Variants in F2 observed in about 807,000 individuals in gnomAD.
F2 encodes the protein prothrombin.
In F2, 34 loss-of-function variants were observed where a neutral mutation model predicts 81.9. The ratio of observed to expected loss-of-function variants is 0.42; its 90% CI spans 0.32 to 0.55. The LOEUF (loss-of-function observed/expected upper bound fraction) is 0.55. F2 is among the 20% of genes least tolerant of loss of function. The pLI, the probability that F2 is intolerant of heterozygous loss-of-function variation, is 0.18. For synonymous variants in F2, 296 were observed against 326.4 expected (o/e 0.91, Z 1.01); for missense variants, 630 against 833.4 (o/e 0.76, Z 3.00).
At chr11:46,730,796 A>ATATG (rs1555157921) in intron 12 of F2, among the ~76,000 whole-genome samples, 1 of 142,202 alleles carries the variant, frequency 7.0e-6, no homozygotes, top group Non-Finnish European at 1.6e-5. Flanking sequence ...TTATATATAT[A>ATATG]TATGCATAGT....
At chr11:46,737,318 A>G (rs886884799) in intron 12 of F2, among the ~76,000 whole-genome samples, 2 of 148,092 alleles carry the variant, frequency 1.4e-5, no homozygotes, top group African/African-American at 5.0e-5. Flanking sequence ...ATTTTTTTAT[A>G]TTTTTAGTAG....
In F2 at chr11:46,728,978, C is replaced by T; in HGVS notation, c.1472+141C>T. On this transcript the variant is annotated intron_variant, in intron 11 of 13. Transcript: ENST00000311907. The surrounding 1 kb of genome is among the most constrained non-coding windows in gnomAD (Gnocchi z 5.1). ...GTGAACCCAAAAGTTCTTTTCAGTA[C>T]TGGCGTTTTATTTTTTATTTATATT... 1 of 723,138 alleles carries T rather than the reference C, an allele frequency of 1.4e-6. No homozygotes were observed. The highest frequency in any genetic ancestry group is 2.7e-5 in the East Asian group (1 of 37,136). 44.8% of individuals were successfully genotyped at this position (723,138 alleles called of 1,614,324 possible).
intron 2 of F2, 96 bp from the exon 3 acceptor site, chr11:46,720,427 C>T: frequency 7.0e-7 from 1 of 1,433,596 alleles, no homozygotes; most frequent in Non-Finnish European, 9.8e-7. Flanking sequence ...CCTGCGTGAC[C>T]AGGGTAAAGG....
At position 46,720,646 on chromosome 11, in the gene F2, C is replaced by A. The variant is rs1279407754; in HGVS notation, c.265+99C>A. ...CTTCTGCTGCACCTAGCCATCCACC[C>A]ATCCACCCCTTCCCCACTCCTTCCT... On this transcript the variant is annotated intron_variant, in intron 3 of 13. Transcript: ENST00000311907. 9 of 1,521,130 alleles carry A rather than the reference C, an allele frequency of 5.9e-6. No individual in the cohort carries two copies. The East Asian group carries it at 1.6e-4, about 27-fold the overall frequency. The allele number at this position is 1,521,130 out of a possible 1,614,324, so 94.2% of individuals were successfully genotyped here. A position where few individuals can be genotyped will look rare whatever the true frequency, so the allele number is the denominator to read the frequency against.
At chr11:46,732,028 G>A in intron 12 of F2, among the ~76,000 whole-genome samples, 1 of 146,788 alleles carries the variant, frequency 6.8e-6, no homozygotes, top group South Asian at 2.2e-4. Flanking sequence ...TGATTCTCCT[G>A]CCTCAGCCTC....
At chr11:46,738,081 T>A (rs1456067467) in intron 12 of F2, among the ~76,000 whole-genome samples, 1 of 152,000 alleles carries the variant, frequency 6.6e-6, no homozygotes, top group Non-Finnish European at 1.5e-5. Context: ...CACTGCAACC[T>A]CCACCTCCAC....
At chr11:46,720,865 G>A (rs368155840) in intron 4 of F2, 25 bp downstream of exon 4, 15 of 1,613,302 alleles carry the variant, frequency 9.3e-6, no homozygotes, top group South Asian at 7.7e-5. Flanking sequence ...CGGGTTTGGG[G>A]AGCAGGACAT....
rs1475659512 is a variant in F2 at position 46,725,852 on chromosome 11, C to G, written c.560-7C>G. On this transcript the variant is annotated splice_region_variant and splice_polypyrimidine_tract_variant and intron_variant, in intron 6 of 13. Coordinates refer to ENST00000311907, the MANE Select transcript of F2 (RefSeq NM_000506.5). ...ACTCTGCTGCCTCCTTGCCCCTCAC[C>G]CACCAGGCCAGGATCAAGTCACTGT... 1.9e-6 allele frequency: 3 copies of G among 1,611,930 alleles called. No individual in the cohort carries two copies. In the African/African-American group the frequency reaches 4.0e-5, roughly 22 times the overall value.
Position 46,723,235 on chromosome 11 carries a change from G to C in F2, c.372G>C (p.Arg124=). The change falls in exon 5 of 14, where the codon CGG becomes CGC. Residue 124 remains arginine (R), a synonymous_variant. Coordinates refer to ENST00000311907, the MANE Select transcript of F2 (RefSeq NM_000506.5). The surrounding 1 kb of genome is among the most constrained non-coding windows in gnomAD (Gnocchi z 5.6). ...TNYRGHVNIT[R]SGIECQLWRS... is the part of the protein sequence containing the mutation. ...ACCGAGGGCATGTGAACATCACCCG[G>C]TCAGGCATTGAGTGCCAGCTATGGA... The C allele has an allele frequency of 1.9e-6, 3 of 1,614,122 alleles. No homozygotes were observed. Among genetic ancestry groups the C allele is most frequent in the Non-Finnish European group, 2.5e-6 (3 of 1,180,018 alleles).
rs45622635 is a variant in F2, at chr11:46,726,654, C to T, written c.1003+28C>T. On this transcript the variant is annotated intron_variant, in intron 8 of 13. Coordinates refer to ENST00000311907, the MANE Select transcript of F2 (RefSeq NM_000506.5). The surrounding 1 kb of genome is among the most constrained non-coding windows in gnomAD (Gnocchi z 5.9). Reference sequence around the variant, plus strand: ...GAGGTAGTGGGCATCCGAGGGGATGCGGGGCTGCGGGGCTGGTGGCCAGGA... The same window carrying T: ...GAGGTAGTGGGCATCCGAGGGGATGTGGGGCTGCGGGGCTGGTGGCCAGGA... 3,632 of 1,613,514 alleles carry T rather than the reference C, an allele frequency of 2.3e-3. 11 individuals carry two copies. The highest frequency in any genetic ancestry group is 7.1e-3 in the Middle Eastern group (43 of 6,060).
At chr11:46,724,303 C>CGCAT (rs1286680931) in intron 6 of F2, among the ~76,000 whole-genome samples, 1 of 152,166 alleles carries the variant, frequency 6.6e-6, no homozygotes, top group Non-Finnish European at 1.5e-5. Flanking sequence ...TGGCTGCACT[C>CGCAT]GCTAATGCGT....
intron 4 of F2, among the ~76,000 whole-genome samples, chr11:46,721,618 A>C (rs2064836801): frequency 6.6e-6 from 1 of 152,126 alleles, no homozygotes; most frequent in Admixed American, 6.5e-5. Context: ...AAATGTCACC[A>C]CTTTTGCTGA....
chr11:46,731,912 G>GTTTTTTTTTTTTTTTTTTTT (rs71042616), intron 12 of F2, among the ~76,000 whole-genome samples: 10 of 88,150 alleles, frequency 1.1e-4, no homozygotes, highest in African/African-American at 4.4e-4. Flanking sequence ...ACACTTTGAT[G>GTTTTTTTTTTTTTTTTTTTT]TTTTTTTTTT....
At position 46,724,000 on chromosome 11, in the gene F2, G is replaced by A. The variant is rs568730853; in HGVS notation, c.559+482G>A. On this transcript the variant is annotated intron_variant, in intron 6 of 13. Coordinates refer to ENST00000311907, the MANE Select transcript of F2 (RefSeq NM_000506.5). The surrounding 1 kb of genome is among the most constrained non-coding windows in gnomAD (Gnocchi z 5.6). ...GGGAATCAGGGGATCTGAGTGGGGG[G>A]ATCTGCCAGCCTCCTCCTCCCCCTC... is the stretch of plus-strand genomic sequence containing the variant. Among the ~76,000 whole-genome samples the A allele has an allele frequency of 6.6e-6, 1 of 152,216 alleles. No individual in the cohort carries two copies. Among genetic ancestry groups the A allele is most frequent in the African/African-American group, 2.4e-5 (1 of 41,538 alleles).
At chr11:46,736,257 TATC>T (rs1374142837) in intron 12 of F2, among the ~76,000 whole-genome samples, 1 of 152,202 alleles carries the variant, frequency 6.6e-6, no homozygotes, top group Non-Finnish European at 1.5e-5. Flanking sequence ...ATTTCACCTT[TATC>T]ACATTCTAGA....
intron 3 of F2, 110 bp from the exon 4 acceptor site, chr11:46,720,680 C>G (rs1688902093): frequency 6.7e-7 from 1 of 1,500,862 alleles, no homozygotes; most frequent in African/African-American, 1.4e-5. Flanking sequence ...CTTGGTCCCT[C>G]CCATCTGTTC....
chr11:46,729,623 G>T, intron 12 of F2, 62 bp downstream of exon 12: 1 of 1,577,256 alleles, frequency 6.3e-7, no homozygotes. Context: ...ACTGAGTTGT[G>T]CCTGGGTTCA....
intron 12 of F2, among the ~76,000 whole-genome samples, chr11:46,738,561 C>T (rs1298438249): frequency 1.3e-5 from 2 of 152,092 alleles, no homozygotes; most frequent in Admixed American, 6.6e-5. Flanking sequence ...GCAGCCTTAA[C>T]CTCCCAGGCG....
chr11:46,726,823 C>T lies in F2; in HGVS notation c.1116C>T (p.Ile372=), dbSNP rs559855157. 8 of 1,614,066 alleles carry T rather than the reference C, an allele frequency of 5.0e-6. No homozygotes were observed. Among genetic ancestry groups the T allele is most frequent in the East Asian group, 2.2e-5 (1 of 44,874 alleles). The part of the protein sequence containing the change: ...GRIVEGSDAE[I]GMSPWQVMLF... The stretch of plus-strand genomic sequence containing the variant: ...TTGTGGAGGGCTCGGATGCAGAGAT[C>T]GGCATGTCACCTTGGTGTGTCCTGG... The change falls in exon 9 of 14, where the codon ATC becomes ATT. Residue 372 remains isoleucine, a synonymous_variant. Transcript: ENST00000311907. The surrounding 1 kb of genome is among the most constrained non-coding windows in gnomAD (Gnocchi z 5.9).
Sources: allele counts gnomAD v4.1 joint callset (sites outside exome capture counted in the v4.1 genomes callset), GRCh38; gene constraint gnomAD v4.1.1; non-coding constraint Gnocchi (gnomAD v3.1); transcripts MANE v1.5; gene names NCBI Gene and HGNC (gene_info 2026-07-23, HGNC 2026-07-21).